Variants in FAM193A observed in about 807,000 individuals in gnomAD.
FAM193A encodes protein FAM193A.
FAM193A carries 22 observed loss-of-function variants against 126.5 expected under a neutral mutation model. That is an observed-to-expected ratio of 0.17 (90% confidence interval 0.12 to 0.25). The LOEUF (loss-of-function observed/expected upper bound fraction) is 0.25, where lower values mean the gene tolerates loss of function less well. FAM193A is among the 10% of genes least tolerant of loss of function. The pLI is 1.00. For synonymous variants in FAM193A, 761 were observed against 646.8 expected, an observed-to-expected ratio of 1.18 and a Z score of -2.68; for missense variants, 1,675 against 1,672.8, an observed-to-expected ratio of 1.00 and a Z score of -0.02.
intron 5 of FAM193A, among the ~76,000 whole-genome samples, chr4:2,636,312 C>G (rs1744086681): frequency 6.6e-6 from 1 of 152,130 alleles, no homozygotes; most frequent in African/African-American, 2.4e-5. Flanking sequence ...ATTCGCCTGC[C>G]TTAGCCTCCC....
At chr4:2,613,831 A>G (rs533082955) in intron 2 of FAM193A, among the ~76,000 whole-genome samples, 152 of 148,198 alleles carry the variant, frequency 1.0e-3, no homozygotes, top group African/African-American at 3.5e-3. Flanking sequence ...TAGTGGCACA[A>G]TCTTGGCTCA....
At chr4:2,613,245 T>G (rs1741983364) in intron 2 of FAM193A, among the ~76,000 whole-genome samples, 1 of 152,186 alleles carries the variant, frequency 6.6e-6, no homozygotes, top group Non-Finnish European at 1.5e-5. Flanking sequence ...AAGACCAGTT[T>G]GGGCAACATA....
intron 12 of FAM193A, among the ~76,000 whole-genome samples, chr4:2,666,687 C>T (rs1166767562): frequency 6.6e-6 from 1 of 152,156 alleles, no homozygotes; most frequent in Non-Finnish European, 1.5e-5. Context: ...GTTTCATTTG[C>T]TTGTAATAGG....
intron 18 of FAM193A, 137 bp from the exon 19 acceptor site, chr4:2,699,543 A>T: frequency 1.4e-6 from 1 of 718,560 alleles, no homozygotes; most frequent in Non-Finnish European, 2.2e-6. Context: ...GGTGTGTGTT[A>T]AGTTTTGATT....
At position 2,577,422 on chromosome 4, in the gene FAM193A, G is replaced by GTTTTTTTTTTTTTTTTTT. The variant is rs986931980; in HGVS notation, c.256-18648_256-18647insTTTTTTTTTTTTTTTTTT. Among the ~76,000 whole-genome samples the GTTTTTTTTTTTTTTTTTT allele has an allele frequency of 9.5e-5, 11 of 115,540 alleles. 1 individual carries two copies. Among genetic ancestry groups the GTTTTTTTTTTTTTTTTTT allele is most frequent in the South Asian group, 3.0e-4 (1 of 3,308 alleles). 75.8% of individuals were successfully genotyped at this position (115,540 alleles called of 152,430 possible). On this transcript the variant is annotated intron_variant, in intron 1 of 20. Coordinates refer to ENST00000637812, the MANE Select transcript of FAM193A (RefSeq NM_001366318.2). ...ACTCAATTAAAGTGGTTTTTTTTTT[G>GTTTTTTTTTTTTTTTTTT]TTTTTTTTTTTTTTGAGACAGAGTC...
At chr4:2,731,581 C>T (rs1435848870) in intron 20 of FAM193A, among the ~76,000 whole-genome samples, 194 bp from the exon 21 acceptor site, 1 of 152,002 alleles carries the variant, frequency 6.6e-6, no homozygotes, top group Non-Finnish European at 1.5e-5. Context: ...CCTCCCGAGT[C>T]CTTTCCCCTT....
intron 6 of FAM193A, among the ~76,000 whole-genome samples, chr4:2,641,148 C>T (rs1373977292): frequency 2.6e-5 from 4 of 151,530 alleles, no homozygotes; most frequent in African/African-American, 7.3e-5. Flanking sequence ...TCAAGCGATT[C>T]TCCTGCCTCA....
intron 2 of FAM193A, among the ~76,000 whole-genome samples, chr4:2,599,894 C>T (rs1221378662): frequency 6.6e-6 from 1 of 151,894 alleles, no homozygotes; most frequent in Non-Finnish European, 1.5e-5. Flanking sequence ...CGCCATCACA[C>T]CTGGCTAATT....
chr4:2,628,637 A>G (rs1180845777), intron 4 of FAM193A, among the ~76,000 whole-genome samples: 1 of 152,182 alleles, frequency 6.6e-6, no homozygotes, highest in South Asian at 2.1e-4. Context: ...ATCCAAAGAA[A>G]AACACAAAAA....
rs199891282 is a variant in FAM193A, at chr4:2,636,558, G to T, written c.1039-3177G>T. 3.4e-4 allele frequency among the ~76,000 whole-genome samples: 51 copies of T among 152,226 alleles called. No individual in the cohort carries two copies. In the East Asian group the frequency reaches 7.7e-3, roughly 23 times the overall value. On this transcript the variant is annotated intron_variant, in intron 5 of 20. Transcript: ENST00000637812. Reference sequence around the variant, plus strand: ...TGGATTCTCTACTTATACATGGTTTGCTAGTGTCATTCATAGGTCATTTTG... The same window carrying T: ...TGGATTCTCTACTTATACATGGTTTTCTAGTGTCATTCATAGGTCATTTTG...
intron 20 of FAM193A, among the ~76,000 whole-genome samples, chr4:2,720,787 G>A (rs1720052825): frequency 6.6e-6 from 1 of 152,110 alleles, no homozygotes; most frequent in African/African-American, 2.4e-5. Flanking sequence ...CATAAGACTT[G>A]TATACAAAAG....
At chr4:2,706,878 T>C (rs941857361) in intron 19 of FAM193A, among the ~76,000 whole-genome samples, 1 of 150,856 alleles carries the variant, frequency 6.6e-6, no homozygotes, top group African/African-American at 2.4e-5. Context: ...CCCAGCACTT[T>C]GGGAGGCCTG....
chr4:2,635,626 C>T (rs2109013415), intron 5 of FAM193A, among the ~76,000 whole-genome samples: 1 of 152,216 alleles, frequency 6.6e-6, no homozygotes, highest in East Asian at 1.9e-4. Context: ...TCTGCCTCCC[C>T]AGTTCAAGCG....
chr4:2,542,961 GA>G (rs1737322030), intron 1 of FAM193A, among the ~76,000 whole-genome samples: 1 of 152,022 alleles, frequency 6.6e-6, no homozygotes, highest in African/African-American at 2.4e-5. Flanking sequence ...GGAGAAGTAG[GA>G]AAACATAACT....
intron 20 of FAM193A, chr4:2,720,127 T>C (rs1422859794): frequency 6.4e-6 from 1 of 155,426 alleles, no homozygotes; most frequent in Non-Finnish European, 1.5e-5. Context: ...GCTACATTAA[T>C]ATATTAAAGA....
At chr4:2,592,581 C>G (rs149167269) in intron 1 of FAM193A, among the ~76,000 whole-genome samples, 2,650 of 152,192 alleles carry the variant, frequency 0.017, 60 homozygotes, top group African/African-American at 0.051. Context: ...GAAGAATAAC[C>G]GCGGCAAGCT....
chr4:2,662,971 A>G lies in FAM193A; in HGVS notation c.1879A>G (p.Asn627Asp), dbSNP rs760783317. 15 of 1,613,224 alleles carry G rather than the reference A, an allele frequency of 9.3e-6. No individual in the cohort carries two copies. Among genetic ancestry groups the G allele is most frequent in the Non-Finnish European group, 1.3e-5 (15 of 1,179,168 alleles). The change falls in exon 11 of 21, where the codon AAC becomes GAC. Residue 627 changes from asparagine to aspartate, a missense_variant. Around this residue, in one of 4 missense-constraint regions of FAM193A, gnomAD observed 1,186 missense variants for 1,109.2 expected, o/e 1.07. Coordinates refer to ENST00000637812, the MANE Select transcript of FAM193A (RefSeq NM_001366318.2). The stretch of plus-strand genomic sequence containing the variant: ...CAGCGAATTGAATGGTGGCGGGGAA[A>G]ACATGGCCCTGAAGGATGAGGTATG... ...IHSELNGGGE[N>D]MALKDESPQI...
At chr4:2,560,143 A>G (rs1431951016) in intron 1 of FAM193A, among the ~76,000 whole-genome samples, 1 of 152,008 alleles carries the variant, frequency 6.6e-6, no homozygotes, top group African/African-American at 2.4e-5. Flanking sequence ...GGGTTTCGCC[A>G]TGCTGGCCAG....
chr4:2,553,293 A>T (rs544413063), intron 1 of FAM193A, among the ~76,000 whole-genome samples: 1 of 152,208 alleles, frequency 6.6e-6, no homozygotes, highest in Admixed American at 6.6e-5. Context: ...AGGACCTGTG[A>T]ATAGCCAGCC....
Sources: allele counts gnomAD v4.1 joint callset (sites outside exome capture counted in the v4.1 genomes callset), GRCh38; gene constraint gnomAD v4.1.1; regional missense constraint gnomAD v4.1.1; transcripts MANE v1.5; gene names NCBI Gene and HGNC (gene_info 2026-07-23, HGNC 2026-07-21).